The following LHFPL2 variants were observed in gnomAD, a reference collection of about 807,000 sequenced individuals.
LHFPL2 encodes LHFPL tetraspan subfamily member 2 protein.
A neutral mutation model predicts 17.5 loss-of-function variants in LHFPL2; 7 were observed. The ratio of observed to expected loss-of-function variants is 0.40; its 90% confidence interval spans 0.23 to 0.75. The LOEUF is 0.75. Ranked by LOEUF, LHFPL2 falls within the 30% of genes least tolerant of loss-of-function variation. The pLI, the probability that LHFPL2 is intolerant of heterozygous loss-of-function variation, is 0.37. For missense variants in LHFPL2, 241 were observed against 294.8 expected (o/e 0.82, Z 1.34); for synonymous variants, 134 against 116.2 (o/e 1.15, Z -0.99).
At chr5:78,645,445 T>C (rs528928774) in intron 1 of LHFPL2, among the ~76,000 whole-genome samples, 2 of 152,000 alleles carry the variant, frequency 1.3e-5, no homozygotes, top group African/African-American at 2.4e-5. Context: ...AGAAGTACTA[T>C]TGTGCTAAGA....
chr5:78,572,479 T>C (rs1283922130), intron 2 of LHFPL2, among the ~76,000 whole-genome samples: 2 of 148,358 alleles, frequency 1.3e-5, no homozygotes, highest in African/African-American at 2.6e-5. Flanking sequence ...TGTGTATATA[T>C]ATGTGTATAT....
intron 2 of LHFPL2, among the ~76,000 whole-genome samples, chr5:78,571,796 G>C (rs553619971): frequency 6.6e-6 from 1 of 152,246 alleles, no homozygotes; most frequent in Non-Finnish European, 1.5e-5. Flanking sequence ...CATATGGATG[G>C]ATAAGGTGGA....
chr5:78,581,402 C>A (rs1399887114), intron 2 of LHFPL2, among the ~76,000 whole-genome samples: 1 of 152,152 alleles, frequency 6.6e-6, no homozygotes, highest in African/African-American at 2.4e-5. Flanking sequence ...AGTTCTTACA[C>A]ATTCAGTATG....
At chr5:78,536,529 C>T (rs570284676) in intron 3 of LHFPL2, among the ~76,000 whole-genome samples, 1 of 152,328 alleles carries the variant, frequency 6.6e-6, no homozygotes, top group African/African-American at 2.4e-5. Context: ...GAAAAACTAC[C>T]TACATCCTCA....
chr5:78,637,000 T>A (rs1276678084), intron 1 of LHFPL2, among the ~76,000 whole-genome samples: 1 of 151,906 alleles, frequency 6.6e-6, no homozygotes, highest in African/African-American at 2.4e-5. Flanking sequence ...ATGGCCAATA[T>A]CACAAGCTCA....
At chr5:78,493,384 G>A (rs1754510457) in intron 4 of LHFPL2, among the ~76,000 whole-genome samples, 1 of 152,220 alleles carries the variant, frequency 6.6e-6, no homozygotes, top group Non-Finnish European at 1.5e-5. Context: ...GCAGTCACAA[G>A]AAACTGTCAG....
Position 78,488,712 on chromosome 5 carries a change from T to C in LHFPL2, c.*185A>G, listed in dbSNP as rs570731877. The C allele has an allele frequency of 8.4e-5, 54 of 642,546 alleles. No homozygotes were observed. The African/African-American group carries it at 8.8e-4, about 10-fold the overall frequency. The allele number at this position is 642,546 out of a possible 1,614,324, so 39.8% of individuals were successfully genotyped here. On this transcript the variant is annotated 3_prime_UTR_variant, in exon 5 of 5. Transcript: ENST00000380345. ...ATGTTCCATTCCTTATAATGTGCACTGCAGACCGCATGTCCAGTAACTTTG... is the reference window on the plus strand; with the variant it reads ...ATGTTCCATTCCTTATAATGTGCACCGCAGACCGCATGTCCAGTAACTTTG...
intron 2 of LHFPL2, among the ~76,000 whole-genome samples, chr5:78,588,502 C>G (rs2029913166): frequency 6.6e-6 from 1 of 152,038 alleles, no homozygotes; most frequent in East Asian, 1.9e-4. Context: ...CATCTGGGTA[C>G]CTTAGTTTTC....
At chr5:78,578,593 A>G (rs1223795543) in intron 2 of LHFPL2, among the ~76,000 whole-genome samples, 3 of 144,130 alleles carry the variant, frequency 2.1e-5, no homozygotes, top group African/African-American at 8.7e-5. Flanking sequence ...GTGCACACAC[A>G]CACACACACA....
chr5:78,566,398 C>T (rs1466910853), intron 2 of LHFPL2, among the ~76,000 whole-genome samples: 1 of 152,074 alleles, frequency 6.6e-6, no homozygotes, highest in African/African-American at 2.4e-5. Flanking sequence ...TTGGGTTTCA[C>T]TTTAATAAAA....
chr5:78,599,233 G>A (rs1047607039), intron 2 of LHFPL2, among the ~76,000 whole-genome samples: 5 of 151,990 alleles, frequency 3.3e-5, no homozygotes, highest in Non-Finnish European at 7.4e-5. Flanking sequence ...TGTTAGAGAC[G>A]ACCATGATTA....
At chr5:78,646,771 C>T (rs951560612) in intron 1 of LHFPL2, among the ~76,000 whole-genome samples, 1 of 152,244 alleles carries the variant, frequency 6.6e-6, no homozygotes, top group Non-Finnish European at 1.5e-5. Flanking sequence ...CGGTGAACAG[C>T]ATACATTACT....
At chr5:78,577,535 A>G (rs531302642) in intron 2 of LHFPL2, among the ~76,000 whole-genome samples, 2 of 152,288 alleles carry the variant, frequency 1.3e-5, no homozygotes, top group African/African-American at 4.8e-5. Context: ...GAACAACACA[A>G]AAGTGAACGA....
intron 2 of LHFPL2, among the ~76,000 whole-genome samples, chr5:78,576,984 A>C (rs555020923): frequency 4.6e-5 from 7 of 152,332 alleles, no homozygotes; most frequent in African/African-American, 1.2e-4. Flanking sequence ...GCAGTTCTTT[A>C]GAGATTTTGT....
At chr5:78,598,195 G>A (rs1393390814) in intron 2 of LHFPL2, among the ~76,000 whole-genome samples, 2 of 152,162 alleles carry the variant, frequency 1.3e-5, no homozygotes, top group Non-Finnish European at 2.9e-5. Context: ...TGAAGTGTGG[G>A]AATTATACAA....
chr5:78,569,634 G>A (rs1283098880), intron 2 of LHFPL2, among the ~76,000 whole-genome samples: 3 of 152,160 alleles, frequency 2.0e-5, no homozygotes, highest in East Asian at 1.9e-4. Flanking sequence ...TGAGAGTGTC[G>A]AGTTTCATGA....
At chr5:78,495,753 T>C (rs1289943587) in intron 4 of LHFPL2, among the ~76,000 whole-genome samples, 1 of 152,214 alleles carries the variant, frequency 6.6e-6, no homozygotes, top group East Asian at 1.9e-4. Context: ...AAAGTACCTC[T>C]GATCAACGTG....
chr5:78,629,967 CA>C (rs1745182637), intron 2 of LHFPL2, among the ~76,000 whole-genome samples: 1 of 152,154 alleles, frequency 6.6e-6, no homozygotes, highest in Non-Finnish European at 1.5e-5. Context: ...TTAACAAGTC[CA>C]AAACACGTAT....
intron 1 of LHFPL2, among the ~76,000 whole-genome samples, chr5:78,637,923 C>T (rs1435740552): frequency 6.6e-6 from 1 of 152,190 alleles, no homozygotes; most frequent in African/African-American, 2.4e-5. Flanking sequence ...CACTCGGGCA[C>T]CAGCCTCTCA....
Sources: gnomAD v4.1 joint callset for allele counts (sites outside exome capture counted in the v4.1 genomes callset) on GRCh38, gnomAD v4.1.1 for gene constraint, MANE v1.5 for transcripts, NCBI Gene and HGNC (gene_info 2026-07-23, HGNC 2026-07-21) for gene names.